TMEM266: variants seen among roughly 807,000 people sequenced by gnomAD.
TMEM266 encodes Hv1 related protein 1.
In TMEM266, 33 loss-of-function variants were observed where a neutral mutation model predicts 50.5. The observed-to-expected ratio is 0.65, with a 90% CI of 0.50 to 0.87. The LOEUF (loss-of-function observed/expected upper bound fraction) is 0.87, where lower values mean the gene tolerates loss of function less well. Ranked by LOEUF, TMEM266 falls within the 40% of genes least tolerant of loss-of-function variation. The pLI, the probability that TMEM266 is intolerant of heterozygous loss-of-function variation, is 0.00. For missense variants in TMEM266, 655 were observed against 695.1 expected (o/e 0.94, Z 0.65); for synonymous variants, 310 against 292.3 (o/e 1.06, Z -0.62).
intron 8 of TMEM266, among the ~76,000 whole-genome samples, chr15:76,177,696 C>A (rs2142067339): frequency 6.6e-6 from 1 of 152,398 alleles, no homozygotes; most frequent in South Asian, 2.1e-4. Context: ...CATTCCCTTC[C>A]TGAGGAGCTG....
intron 9 of TMEM266, among the ~76,000 whole-genome samples, chr15:76,199,143 T>TAC (rs2142089448): frequency 6.6e-6 from 1 of 152,270 alleles, no homozygotes; most frequent in East Asian, 1.9e-4. Flanking sequence ...TTGGTGGAAG[T>TAC]CAAAGTTGTT....
intron 1 of TMEM266, among the ~76,000 whole-genome samples, chr15:76,126,964 G>C (rs978607586): frequency 2.6e-5 from 4 of 152,114 alleles, no homozygotes; most frequent in Non-Finnish European, 4.4e-5. Context: ...TAAATCTTCA[G>C]TTATAAAATG....
Position 76,104,630 on chromosome 15 carries a change from AGAGG to A in TMEM266, c.-96-29533_-96-29530del. Among the ~76,000 whole-genome samples the A allele has an allele frequency of 2.6e-5, 4 of 151,294 alleles. No homozygotes were observed. In the South Asian group the frequency reaches 8.4e-4, roughly 32 times the overall value. On this transcript the variant is annotated intron_variant, in intron 1 of 10. Coordinates refer to ENST00000388942, the MANE Select transcript of TMEM266 (RefSeq NM_152335.3). ...TCAGGAGATGGAGACGCTGCAGATA[AGAGG>A]GAGGCTGTGACGGGGGAGCATGTGG...
chr15:76,156,379 A>AAGAAG (rs2037925722), intron 3 of TMEM266, among the ~76,000 whole-genome samples: 1 of 152,154 alleles, frequency 6.6e-6, no homozygotes, highest in Non-Finnish European at 1.5e-5. Flanking sequence ...AAGAAAAGAA[A>AAGAAG]AGAAAAAAAA....
chr15:76,076,571 G>A (rs2141987777), intron 1 of TMEM266, among the ~76,000 whole-genome samples: 1 of 152,160 alleles, frequency 6.6e-6, no homozygotes, highest in South Asian at 2.1e-4. Flanking sequence ...CACTCAGGAA[G>A]AGTTTACCAA....
chr15:76,179,488 C>T (rs2038361376), intron 8 of TMEM266, among the ~76,000 whole-genome samples: 1 of 152,214 alleles, frequency 6.6e-6, no homozygotes, highest in South Asian at 2.1e-4. Flanking sequence ...ACTGTGAACA[C>T]TGTTCTTTTC....
intron 1 of TMEM266, among the ~76,000 whole-genome samples, chr15:76,077,932 A>G (rs1596088003): frequency 6.6e-6 from 1 of 152,084 alleles, no homozygotes; most frequent in African/African-American, 2.4e-5. Context: ...CACATGGTAA[A>G]TGGGGATTTG....
chr15:76,107,266 G>A (rs1471012351), intron 1 of TMEM266, among the ~76,000 whole-genome samples: 1 of 152,134 alleles, frequency 6.6e-6, no homozygotes, highest in Non-Finnish European at 1.5e-5. Context: ...GAGGTTTTCA[G>A]TTTCCAGTGT....
chr15:76,100,738 GAA>G (rs369136270), intron 1 of TMEM266, among the ~76,000 whole-genome samples: 1 of 152,336 alleles, frequency 6.6e-6, no homozygotes, highest in African/African-American at 2.4e-5. Flanking sequence ...AATGGAAAAA[GAA>G]AGAAGTGTAG....
chr15:76,072,255 A>G (rs11638916), intron 1 of TMEM266, among the ~76,000 whole-genome samples: 78,922 of 151,502 alleles, frequency 0.52, 21,588 homozygotes, highest in Admixed American at 0.68. Flanking sequence ...CCTGACCAAC[A>G]TGGAAAAACC....
At chr15:76,155,100 C>T (rs1477147727) in intron 3 of TMEM266, among the ~76,000 whole-genome samples, 1 of 152,200 alleles carries the variant, frequency 6.6e-6, no homozygotes, top group African/African-American at 2.4e-5. Flanking sequence ...GAGCATTATC[C>T]CTGTTTATAC....
intron 1 of TMEM266, among the ~76,000 whole-genome samples, chr15:76,116,898 T>TC (rs1259027092): frequency 3.8e-5 from 4 of 105,326 alleles, no homozygotes; most frequent in African/African-American, 2.6e-4. Flanking sequence ...CATATCTTCT[T>TC]TTTTTTTTTT....
At chr15:76,143,087 C>T (rs972066244) in intron 3 of TMEM266, among the ~76,000 whole-genome samples, 9 of 152,198 alleles carry the variant, frequency 5.9e-5, no homozygotes, top group African/African-American at 1.2e-4. Context: ...CACCGCACCC[C>T]GGTCTCTTCC....
At chr15:76,147,637 TA>T (rs1409212513) in intron 3 of TMEM266, among the ~76,000 whole-genome samples, 1 of 152,224 alleles carries the variant, frequency 6.6e-6, no homozygotes. Context: ...AACAACGGAA[TA>T]AAAGTTTAAT....
At position 76,132,333 on chromosome 15, in the gene TMEM266, T is replaced by A. The variant is rs549679101; in HGVS notation, c.-96-1835T>A. On this transcript the variant is annotated intron_variant, in intron 1 of 10. Transcript: ENST00000388942. Reference sequence around the variant, plus strand: ...ACCGTGTTAGCCAGGATGGTCTTGATCTCCTGACCTCATGATCCACCCGCC... The same window carrying A: ...ACCGTGTTAGCCAGGATGGTCTTGAACTCCTGACCTCATGATCCACCCGCC... Among the ~76,000 whole-genome samples, 748 of 151,676 alleles carry A rather than the reference T, an allele frequency of 4.9e-3. 5 individuals are homozygous for A. Among genetic ancestry groups the A allele is most frequent in the African/African-American group, 0.018 (729 of 41,410 alleles).
chr15:76,083,136 G>A (rs1300496958), intron 1 of TMEM266, among the ~76,000 whole-genome samples: 1 of 151,994 alleles, frequency 6.6e-6, no homozygotes, highest in Non-Finnish European at 1.5e-5. Flanking sequence ...TCATCTTTCA[G>A]CATGAGATTT....
At chr15:76,124,431 T>C (rs182756631) in intron 1 of TMEM266, among the ~76,000 whole-genome samples, 4 of 152,300 alleles carry the variant, frequency 2.6e-5, no homozygotes. Flanking sequence ...TGTTCATAGA[T>C]TGGAATAATT....
chr15:76,062,227 A>G (rs1216887187), intron 1 of TMEM266, among the ~76,000 whole-genome samples: 3 of 152,254 alleles, frequency 2.0e-5, no homozygotes, highest in African/African-American at 4.8e-5. Context: ...TTTGGAAAGT[A>G]TATCCCATGC....
At chr15:76,093,139 T>C (rs531999799) in intron 1 of TMEM266, among the ~76,000 whole-genome samples, 1 of 151,626 alleles carries the variant, frequency 6.6e-6, no homozygotes, top group South Asian at 2.1e-4. Context: ...TTATTTATTC[T>C]TTTTTTTATT....
Sources: allele counts gnomAD v4.1 joint callset (sites outside exome capture counted in the v4.1 genomes callset), GRCh38; gene constraint gnomAD v4.1.1; transcripts MANE v1.5; gene names NCBI Gene and HGNC (gene_info 2026-07-23, HGNC 2026-07-21).